The following CABP7 variants were observed in gnomAD, a reference collection of about 807,000 sequenced individuals.
The protein encoded by CABP7 is calcium binding protein 7.
Under a neutral mutation model 23.1 loss-of-function variants are expected in CABP7, and 13 were observed. The observed-to-expected ratio is 0.56, with a 90% CI of 0.37 to 0.90. CABP7 has a LOEUF of 0.90. CABP7 is among the 40% of genes least tolerant of loss of function. The probability of loss-of-function intolerance (pLI) is 0.01; values close to 1 mark genes in which losing one functional copy is unlikely to be tolerated. For missense variants in CABP7, 248 were observed against 295.6 expected, an observed-to-expected ratio of 0.84 and a Z score of 1.18; for synonymous variants, 123 against 115.3, an observed-to-expected ratio of 1.07 and a Z score of -0.43.
At position 29,727,819 on chromosome 22, in the gene CABP7, C is replaced by T. The variant is rs762624626; in HGVS notation, c.253+14C>T. The T allele has an allele frequency of 2.6e-5, 41 of 1,600,014 alleles. No individual in the cohort carries two copies. Among genetic ancestry groups the T allele is most frequent in the Middle Eastern group, 1.9e-4 (1 of 5,192 alleles). On this transcript the variant is annotated intron_variant, in intron 2 of 4. Coordinates refer to ENST00000216144, the MANE Select transcript of CABP7 (RefSeq NM_182527.3). The surrounding 1 kb of genome is among the most constrained non-coding windows in gnomAD (Gnocchi z 4.2). ...TGGACATGGATGGTGAGCACCCCCC[C>T]GCCTCGGTTTCCCCACCTGGCATCT... is the stretch of plus-strand genomic sequence containing the variant.
In CABP7 at chr22:29,720,379, C is replaced by A; in HGVS notation, c.-46C>A. 2 of 1,350,640 alleles carry A rather than the reference C, an allele frequency of 1.5e-6. No homozygotes were observed. The highest frequency in any genetic ancestry group is 9.9e-7 in the Non-Finnish European group (1 of 1,012,878). 83.7% of individuals were successfully genotyped at this position (1,350,640 alleles called of 1,614,324 possible). A position where few individuals can be genotyped will look rare whatever the true frequency, so the allele number is the denominator to read the frequency against. On this transcript the variant is annotated 5_prime_UTR_variant, in exon 1 of 5. Transcript: ENST00000216144. This position sits in a 1 kb window ranked among gnomAD's most constrained non-coding sequence, Gnocchi z 5.2. Reference sequence around the variant, plus strand: ...CGGGGCCGCCACCGGCCCATGAGCCCCGGCCTCAAAGTTTGCGGCGGGCGG... The same window carrying A: ...CGGGGCCGCCACCGGCCCATGAGCCACGGCCTCAAAGTTTGCGGCGGGCGG...
rs2067757168 is a variant in CABP7 at position 29,720,924 on chromosome 22, C to G, written c.109+391C>G. 6.6e-6 allele frequency among the ~76,000 whole-genome samples: 1 copy of G among 152,054 alleles called. No individual in the cohort carries two copies. Among genetic ancestry groups the G allele is most frequent in the South Asian group, 2.1e-4 (1 of 4,828 alleles). The stretch of plus-strand genomic sequence containing the variant: ...GCATCCTGATCCCCTCCGCGGCGCC[C>G]GCCCGCGGCTCTCTGCTCGCATTGA... On this transcript the variant is annotated intron_variant, in intron 1 of 4. Coordinates refer to ENST00000216144, the MANE Select transcript of CABP7 (RefSeq NM_182527.3). The surrounding 1 kb of genome is among the most constrained non-coding windows in gnomAD (Gnocchi z 5.2).
At position 29,729,778 on chromosome 22, in the gene CABP7, G is replaced by A; in HGVS notation, c.*209G>A. 1.6e-6 allele frequency: 1 copy of A among 639,394 alleles called. No homozygotes were observed. Among genetic ancestry groups the A allele is most frequent in the Middle Eastern group, 4.3e-4 (1 of 2,336 alleles). The allele number at this position is 639,394 out of a possible 1,614,324, so 39.6% of individuals were successfully genotyped here. A position where few individuals can be genotyped will look rare whatever the true frequency, so the allele number is the denominator to read the frequency against. On this transcript the variant is annotated 3_prime_UTR_variant, in exon 5 of 5. Coordinates refer to ENST00000216144, the MANE Select transcript of CABP7 (RefSeq NM_182527.3). ...TGGAGGGCCGGGTGGTGGCTCTGAGGATGGTCCCCAGCCCCACCCTGTCCC... is the reference window on the plus strand; with the variant it reads ...TGGAGGGCCGGGTGGTGGCTCTGAGAATGGTCCCCAGCCCCACCCTGTCCC...
At position 29,720,649 on chromosome 22, in the gene CABP7, C is replaced by T; in HGVS notation, c.109+116C>T. ...GGGGCGGTCCGCAGGTGCCGGTTGC[C>T]AGGTGGGCGCCCCAGCTAGCAGCTG... On this transcript the variant is annotated intron_variant, in intron 1 of 4. Coordinates refer to ENST00000216144, the MANE Select transcript of CABP7 (RefSeq NM_182527.3). The surrounding 1 kb of genome is among the most constrained non-coding windows in gnomAD (Gnocchi z 5.2). The T allele has an allele frequency of 1.9e-6, 1 of 528,866 alleles. No individual in the cohort carries two copies. 32.8% of individuals were successfully genotyped at this position (528,866 alleles called of 1,614,324 possible). A position where few individuals can be genotyped will look rare whatever the true frequency, so the allele number is the denominator to read the frequency against.
chr22:29,721,283 G>A (rs1357588390), intron 1 of CABP7, among the ~76,000 whole-genome samples: 1 of 152,138 alleles, frequency 6.6e-6, no homozygotes, highest in Non-Finnish European at 1.5e-5. Context: ...GGCTGGGCGA[G>A]GTCAGAGCAG....
intron 1 of CABP7, among the ~76,000 whole-genome samples, chr22:29,721,717 A>T (rs2067763104): frequency 6.6e-6 from 1 of 152,074 alleles, no homozygotes; most frequent in South Asian, 2.1e-4. Flanking sequence ...TCGGGGGAAG[A>T]TCCAGAGAGA....
intron 2 of CABP7, among the ~76,000 whole-genome samples, chr22:29,728,252 G>A (rs184691154): frequency 5.1e-4 from 78 of 152,282 alleles, no homozygotes; most frequent in African/African-American, 1.7e-3. Flanking sequence ...CAGAGGCCAG[G>A]TGACAGCCTT....
chr22:29,726,686 G>C (rs1342326601), intron 1 of CABP7, among the ~76,000 whole-genome samples: 1 of 152,244 alleles, frequency 6.6e-6, no homozygotes, highest in East Asian at 1.9e-4. Context: ...GCAAAGGCCA[G>C]GTGGCTGGCA....
At chr22:29,729,027 A>G in intron 3 of CABP7, 28 bp from the exon 4 acceptor site, 12 of 1,600,044 alleles carry the variant, frequency 7.5e-6, no homozygotes, top group Non-Finnish European at 1.0e-5. Flanking sequence ...GGTGGCTCTC[A>G]GAGCACCGTG....
Position 29,729,592 on chromosome 22 carries a change from A to G in CABP7, c.*23A>G, listed in dbSNP as rs2067823681. On this transcript the variant is annotated 3_prime_UTR_variant, in exon 5 of 5. Transcript: ENST00000216144. ...TAGACGCCACCTGGATGCCCCATCC[A>G]CCGCATGCGGTGCCCGTGGCCCGCC... is the stretch of plus-strand genomic sequence containing the variant. The G allele has an allele frequency of 6.2e-7, 1 of 1,605,344 alleles. No individual in the cohort carries two copies.
intron 3 of CABP7, 120 bp downstream of exon 3, chr22:29,728,862 G>A (rs986218534): frequency 5.0e-6 from 5 of 1,001,516 alleles, no homozygotes; most frequent in Admixed American, 4.2e-5. Context: ...TGTGTCCACT[G>A]GACATTTCAC....
rs975656311 is a variant in CABP7, at chr22:29,731,645, A to C, written c.*2076A>C. 1 of 367,102 alleles carries C rather than the reference A, an allele frequency of 2.7e-6. No individual in the cohort carries two copies. The highest frequency in any genetic ancestry group is 2.2e-5 in the African/African-American group (1 of 46,010). 22.7% of individuals were successfully genotyped at this position (367,102 alleles called of 1,614,324 possible). ...ACTGATTCAATACATATGCACGTCC[A>C]CAGCAGAGAATGCCATGCGGCCTGT... On this transcript the variant is annotated 3_prime_UTR_variant, in exon 5 of 5. Transcript: ENST00000216144.
At position 29,729,201 on chromosome 22, in the gene CABP7, T is replaced by C. The variant is rs552224562; in HGVS notation, c.513T>C (p.Asp171=). Residue 171 remains aspartate (D), a synonymous_variant, in exon 4 of 5, where the codon GAT becomes GAC. Transcript: ENST00000216144. Reference sequence around the variant, plus strand: ...GCACAGCCGAGGAGTGTCCCGTGGATGTGGAGAGTGAGTGGCTGGCCCTGG... The same window carrying C: ...GCACAGCCGAGGAGTGTCCCGTGGACGTGGAGAGTGAGTGGCTGGCCCTGG... The part of the protein sequence containing the change: ...HLGTAEECPV[D]VETCSNQQIR... The C allele has an allele frequency of 6.8e-6, 11 of 1,606,644 alleles. No individual in the cohort carries two copies. The South Asian group carries it at 1.0e-4, about 15-fold the overall frequency.
chr22:29,720,679 C>A lies in CABP7; in HGVS notation c.109+146C>A. 2.2e-6 allele frequency: 1 copy of A among 464,610 alleles called. No individual in the cohort carries two copies. Among genetic ancestry groups the A allele is most frequent in the South Asian group, 3.1e-5 (1 of 31,916 alleles). 28.8% of individuals were successfully genotyped at this position (464,610 alleles called of 1,614,324 possible). A position where few individuals can be genotyped will look rare whatever the true frequency, so the allele number is the denominator to read the frequency against. Reference sequence around the variant, plus strand: ...GGGCGCCCCAGCTAGCAGCTGTGCCCCGCGGCAAGACCTGTCCGCACCCCG... The same window carrying A: ...GGGCGCCCCAGCTAGCAGCTGTGCCACGCGGCAAGACCTGTCCGCACCCCG... On this transcript the variant is annotated intron_variant, in intron 1 of 4. Transcript: ENST00000216144. The surrounding 1 kb of genome is among the most constrained non-coding windows in gnomAD (Gnocchi z 5.2).
chr22:29,727,411 C>G lies in CABP7; in HGVS notation c.110-251C>G, dbSNP rs1426621463. Among the ~76,000 whole-genome samples the G allele has an allele frequency of 6.6e-6, 1 of 152,200 alleles. No homozygotes were observed. Among genetic ancestry groups the G allele is most frequent in the Non-Finnish European group, 1.5e-5 (1 of 68,036 alleles). On this transcript the variant is annotated intron_variant, in intron 1 of 4. Transcript: ENST00000216144. This position sits in a 1 kb window ranked among gnomAD's most constrained non-coding sequence, Gnocchi z 4.2. ...ACCAGGAGAGGCTGTGAGAGCCTGGCGCAATCAGATCCCAAGAGGTCACTG... is the reference window on the plus strand; with the variant it reads ...ACCAGGAGAGGCTGTGAGAGCCTGGGGCAATCAGATCCCAAGAGGTCACTG...
chr22:29,729,031 C>G (rs2067816711), intron 3 of CABP7, 24 bp from the exon 4 acceptor site: 1 of 1,602,548 alleles, frequency 6.2e-7, no homozygotes, highest in Non-Finnish European at 8.5e-7. Flanking sequence ...GCTCTCAGAG[C>G]ACCGTGTTGT....
In CABP7 at chr22:29,727,611, G is replaced by GGT. The variant is rs1318638104; in HGVS notation, c.110-50_110-49dup. The GGT allele has an allele frequency of 6.2e-7, 1 of 1,609,232 alleles. No individual in the cohort carries two copies. The highest frequency in any genetic ancestry group is 8.5e-7 in the Non-Finnish European group (1 of 1,177,130). ...GGTGATCCTGGGGGTCTGGAAAGGG[G>GGT]GTCTGTTGGGGACCGGGGTGAAGTC... On this transcript the variant is annotated intron_variant, in intron 1 of 4. Coordinates refer to ENST00000216144, the MANE Select transcript of CABP7 (RefSeq NM_182527.3). The surrounding 1 kb of genome is among the most constrained non-coding windows in gnomAD (Gnocchi z 4.2).
At chr22:29,725,983 C>T (rs1016584796) in intron 1 of CABP7, among the ~76,000 whole-genome samples, 3 of 152,306 alleles carry the variant, frequency 2.0e-5, no homozygotes, top group South Asian at 2.1e-4. Context: ...TCCCCTGTGA[C>T]GGGGAGCTCA....
Position 29,727,884 on chromosome 22 carries a change from T to A in CABP7, c.253+79T>A, listed in dbSNP as rs2067807946. The stretch of plus-strand genomic sequence containing the variant: ...GGGCAGGGGCTGGGGCCTGAGCTGC[T>A]GAGGCTGCATCCAAATTGGGTCTCT... On this transcript the variant is annotated intron_variant, in intron 2 of 4. Transcript: ENST00000216144. This position sits in a 1 kb window ranked among gnomAD's most constrained non-coding sequence, Gnocchi z 4.2. The A allele has an allele frequency of 6.0e-6, 9 of 1,489,822 alleles. No individual in the cohort carries two copies. Among genetic ancestry groups the A allele is most frequent in the Non-Finnish European group, 8.1e-6 (9 of 1,110,150 alleles). 92.3% of individuals were successfully genotyped at this position (1,489,822 alleles called of 1,614,324 possible).
Sources: allele counts gnomAD v4.1 joint callset (sites outside exome capture counted in the v4.1 genomes callset), GRCh38; gene constraint gnomAD v4.1.1; non-coding constraint Gnocchi (gnomAD v3.1); transcripts MANE v1.5; gene names NCBI Gene and HGNC (gene_info 2026-07-23, HGNC 2026-07-21).